Variants in TTC6 observed in about 807,000 individuals in gnomAD.
TTC6 encodes tetratricopeptide repeat domain 6.
In TTC6, 172 loss-of-function variants were observed where a neutral mutation model predicts 210.4. The ratio of observed to expected loss-of-function variants is 0.82; its 90% CI spans 0.72 to 0.93. The LOEUF (loss-of-function observed/expected upper bound fraction) is 0.93, where lower values mean the gene tolerates loss of function less well. Ranked by LOEUF, TTC6 falls within the 40% of genes least tolerant of loss-of-function variation. The probability of loss-of-function intolerance (pLI) is 0.00; values close to 1 mark genes in which losing one functional copy is unlikely to be tolerated. For synonymous variants in TTC6, 804 were observed against 819.6 expected, an observed-to-expected ratio of 0.98 and a Z score of 0.32; for missense variants, 2,414 against 2,318.1, an observed-to-expected ratio of 1.04 and a Z score of -0.85.
At chr14:37,638,401 C>T (rs370823777) in intron 1 of TTC6, among the ~76,000 whole-genome samples, 1 of 152,128 alleles carries the variant, frequency 6.6e-6, no homozygotes, top group Non-Finnish European at 1.5e-5. Flanking sequence ...ACTACAGGGA[C>T]CCACCACCAT....
chr14:37,704,913 A>G (rs907184477), intron 5 of TTC6, among the ~76,000 whole-genome samples: 6 of 152,166 alleles, frequency 3.9e-5, no homozygotes, highest in African/African-American at 1.4e-4. Flanking sequence ...AATTTATTCA[A>G]TGAATCTTCT....
At chr14:37,599,783 C>T (rs2095611829) in intron 1 of TTC6, among the ~76,000 whole-genome samples, 1 of 152,184 alleles carries the variant, frequency 6.6e-6, no homozygotes, top group South Asian at 2.1e-4. Flanking sequence ...AAGAAGTGCC[C>T]CCTAGGGCCT....
exon 11 of TTC6, chr14:37,749,031 T>C: frequency 1.3e-6 from 2 of 1,535,752 alleles, no homozygotes; most frequent in African/African-American, 1.4e-5. Flanking sequence ...AGTTTACCTT[T>C]GTATTTAAAT....
intron 20 of TTC6, among the ~76,000 whole-genome samples, chr14:37,799,623 G>A (rs2096101306): frequency 6.6e-6 from 1 of 151,980 alleles, no homozygotes; most frequent in South Asian, 2.1e-4. Flanking sequence ...TCCCTTCCTG[G>A]CCTTAAAAAA....
At chr14:37,603,762 G>A (rs2095620054) in intron 1 of TTC6, among the ~76,000 whole-genome samples, 1 of 152,168 alleles carries the variant, frequency 6.6e-6, no homozygotes, top group African/African-American at 2.4e-5. Context: ...GAAGATCTCT[G>A]AGACTTTTAC....
At chr14:37,718,482 G>A (rs2095856200) in intron 6 of TTC6, among the ~76,000 whole-genome samples, 1 of 152,126 alleles carries the variant, frequency 6.6e-6, no homozygotes, top group Non-Finnish European at 1.5e-5. Flanking sequence ...GTGAAAGCCT[G>A]ATTGTTTCCC....
intron 2 of TTC6, among the ~76,000 whole-genome samples, chr14:37,608,612 T>G (rs1193962823): frequency 6.6e-6 from 1 of 151,390 alleles, no homozygotes; most frequent in Non-Finnish European, 1.5e-5. Context: ...TTGCAAGCCT[T>G]ATCTACACAA....
intron 1 of TTC6, among the ~76,000 whole-genome samples, chr14:37,669,471 C>A (rs1397411633): frequency 2.0e-5 from 3 of 152,196 alleles, no homozygotes; most frequent in African/African-American, 7.2e-5. Flanking sequence ...TTCTTAAGAA[C>A]TATTTTAAGG....
chr14:37,627,106 T>A (rs2139321368), intron 1 of TTC6, among the ~76,000 whole-genome samples: 1 of 152,098 alleles, frequency 6.6e-6, no homozygotes, highest in East Asian at 1.9e-4. Context: ...TTCCCCCCAC[T>A]CTCTCTTGCT....
chr14:37,768,787 C>T (rs147569668), intron 14 of TTC6, among the ~76,000 whole-genome samples: 1 of 152,032 alleles, frequency 6.6e-6, no homozygotes, highest in South Asian at 2.1e-4. Context: ...ATTGAATACC[C>T]TTTATTTCCT....
intron 5 of TTC6, among the ~76,000 whole-genome samples, chr14:37,710,989 T>C (rs1249111120): frequency 6.6e-6 from 1 of 152,186 alleles, no homozygotes; most frequent in Non-Finnish European, 1.5e-5. Flanking sequence ...GGGCTGGCTA[T>C]AACACAGATA....
chr14:37,842,435 A>G, exon 31 of TTC6: 1 of 660,848 alleles, frequency 1.5e-6, no homozygotes, highest in Non-Finnish European at 2.2e-6. Context: ...GCATTTTAAT[A>G]AAATGTTTGT....
chr14:37,820,867 T>C (rs1231357017), intron 26 of TTC6, among the ~76,000 whole-genome samples: 1 of 149,688 alleles, frequency 6.7e-6, no homozygotes, highest in Non-Finnish European at 1.5e-5. Context: ...CTTCTTCTTC[T>C]TCCTCCTTCT....
At chr14:37,840,092 G>T (rs568234495) in intron 29 of TTC6, among the ~76,000 whole-genome samples, 1 of 151,772 alleles carries the variant, frequency 6.6e-6, no homozygotes, top group South Asian at 2.1e-4. Context: ...CCTCCAGCTA[G>T]CCAGACTAAT....
chr14:37,684,557 T>G (rs2095790348), intron 3 of TTC6, among the ~76,000 whole-genome samples: 1 of 152,136 alleles, frequency 6.6e-6, no homozygotes, highest in South Asian at 2.1e-4. Flanking sequence ...TGAGAAATGT[T>G]TCAAGGGGAG....
chr14:37,604,439 A>T (rs967719932), intron 1 of TTC6, among the ~76,000 whole-genome samples: 1 of 152,114 alleles, frequency 6.6e-6, no homozygotes, highest in Non-Finnish European at 1.5e-5. Context: ...GGGTAGCAGA[A>T]CACATTGTCC....
exon 30 of TTC6, chr14:37,841,584 C>T: frequency 2.5e-6 from 4 of 1,606,474 alleles, no homozygotes; most frequent in Non-Finnish European, 3.4e-6. Flanking sequence ...GAAAGCTGTC[C>T]CTTTTGGGCT....
Position 37,622,965 on chromosome 14 carries a change from C to A in TTC6, c.901C>A (p.Arg301=), listed in dbSNP as rs796905611. 8.6e-6 allele frequency: 13 copies of A among 1,510,904 alleles called. No individual in the cohort carries two copies. In the African/African-American group the frequency reaches 1.5e-4, roughly 18 times the overall value. 93.6% of individuals were successfully genotyped at this position (1,510,904 alleles called of 1,614,324 possible). Residue 301 remains arginine (R), a synonymous_variant, in exon 1 of 31, where the codon CGG becomes AGG. Coordinates refer to ENST00000553443, the Ensembl canonical transcript of TTC6. ...CGACCAGACCATCAAAGAGCTCATA[C>A]GGAGCGTCCTTGGCCAGAACTACGA...
rs559922322 is a variant in TTC6, at chr14:37,759,988, G to A, written c.3266+6753G>A. 6.6e-5 allele frequency among the ~76,000 whole-genome samples: 10 copies of A among 152,260 alleles called. No homozygotes were observed. The South Asian group carries it at 8.3e-4, about 13-fold the overall frequency. Reference sequence around the variant, plus strand: ...AGGAGCTTGTTATTACCCACCTTCCGAAGCCAACTTCTGTCAATTCGTCAA... The same window carrying A: ...AGGAGCTTGTTATTACCCACCTTCCAAAGCCAACTTCTGTCAATTCGTCAA... On this transcript the variant is annotated intron_variant, in intron 14 of 30. Coordinates refer to ENST00000553443, the Ensembl canonical transcript of TTC6.
Sources: gnomAD v4.1 joint callset for allele counts (sites outside exome capture counted in the v4.1 genomes callset) on GRCh38, gnomAD v4.1.1 for gene constraint, MANE v1.5 for transcripts, NCBI Gene and HGNC (gene_info 2026-07-23, HGNC 2026-07-21) for gene names.